PSMD1: variants seen among roughly 807,000 people sequenced by gnomAD.
The protein encoded by PSMD1 is 26S proteasome non-ATPase regulatory subunit 1.
Under a neutral mutation model 119.0 loss-of-function variants are expected in PSMD1, and 18 were observed. The ratio of observed to expected loss-of-function variants is 0.15; its 90% confidence interval spans 0.10 to 0.22. PSMD1 has a LOEUF of 0.22. Ranked by LOEUF, PSMD1 falls within the 10% of genes least tolerant of loss-of-function variation. PSMD1 has a pLI of 1.00. For missense variants in PSMD1, 702 were observed against 1,158.5 expected, an observed-to-expected ratio of 0.61 and a Z score of 5.72; for synonymous variants, 374 against 396.6, an observed-to-expected ratio of 0.94 and a Z score of 0.68.
intron 10 of PSMD1, 94 bp from the exon 11 acceptor site, chr2:231,079,441 AG>A (rs1466900058): frequency 2.8e-6 from 2 of 706,100 alleles, no homozygotes; most frequent in Admixed American, 3.2e-5. Context: ...GAAGGGTTCA[AG>A]GTAAAATTTT....
chr2:231,101,790 C>T (rs1317066419), intron 16 of PSMD1, among the ~76,000 whole-genome samples: 1 of 152,132 alleles, frequency 6.6e-6, no homozygotes, highest in African/African-American at 2.4e-5. Context: ...CTCAGATGGT[C>T]GGTGGCACTT....
chr2:231,098,284 C>A (rs892235794), intron 16 of PSMD1, among the ~76,000 whole-genome samples: 2 of 152,214 alleles, frequency 1.3e-5, no homozygotes, highest in African/African-American at 4.8e-5. Flanking sequence ...TATAGGGTCA[C>A]GGAGAAGACC....
intron 5 of PSMD1, 35 bp downstream of exon 5, chr2:231,067,146 G>A (rs777669524): frequency 4.1e-6 from 6 of 1,470,370 alleles, no homozygotes; most frequent in Non-Finnish European, 4.6e-6. Flanking sequence ...AATTATTGTT[G>A]ATAGGGAATC....
chr2:231,147,670 G>T (rs374362935), intron 18 of PSMD1, among the ~76,000 whole-genome samples: 16 of 152,082 alleles, frequency 1.1e-4, no homozygotes, highest in Non-Finnish European at 2.1e-4. Flanking sequence ...ATACTAAATA[G>T]ACACGTGTAG....
Position 231,083,550 on chromosome 2 carries a change from T to C in PSMD1, c.1526-17T>C. ...AAAACATAACTCTCTGTTAACATTT[T>C]ACTCGTTACTTGCCAGGGGAAGCAG... On this transcript the variant is annotated splice_polypyrimidine_tract_variant and intron_variant, in intron 13 of 24. Transcript: ENST00000308696. The C allele has an allele frequency of 6.2e-7, 1 of 1,613,844 alleles. No individual in the cohort carries two copies. The highest frequency in any genetic ancestry group is 8.5e-7 in the Non-Finnish European group (1 of 1,179,676).
intron 19 of PSMD1, among the ~76,000 whole-genome samples, chr2:231,158,124 A>G (rs1428612483): frequency 6.6e-6 from 1 of 151,956 alleles, no homozygotes; most frequent in East Asian, 2.0e-4. Context: ...CAGCCTGATC[A>G]GCATGGTGAG....
intron 16 of PSMD1, among the ~76,000 whole-genome samples, chr2:231,121,056 G>A (rs773531715): frequency 1.4e-4 from 21 of 151,902 alleles, no homozygotes; most frequent in Non-Finnish European, 8.8e-5. Context: ...GGCAACATGT[G>A]TTTTTTTCCT....
chr2:231,146,423 T>C, intron 18 of PSMD1, 67 bp downstream of exon 18: 3 of 1,226,992 alleles, frequency 2.4e-6, no homozygotes, highest in Non-Finnish European at 3.5e-6. Flanking sequence ...CTTATCGTCT[T>C]TTGAGGACGT....
intron 15 of PSMD1, among the ~76,000 whole-genome samples, chr2:231,085,823 T>A (rs926309717): frequency 1.3e-5 from 2 of 152,188 alleles, no homozygotes; most frequent in Non-Finnish European, 2.9e-5. Flanking sequence ...CCACGTGTCT[T>A]AATAGGTTTT....
At chr2:231,132,174 G>A (rs941339631) in intron 16 of PSMD1, among the ~76,000 whole-genome samples, 3 of 152,140 alleles carry the variant, frequency 2.0e-5, no homozygotes, top group Non-Finnish European at 2.9e-5. Context: ...TCCCCTTTCA[G>A]AAAACTTTTC....
At chr2:231,151,252 A>T (rs1327410802) in intron 18 of PSMD1, among the ~76,000 whole-genome samples, 1 of 152,142 alleles carries the variant, frequency 6.6e-6, no homozygotes, top group African/African-American at 2.4e-5. Context: ...CCTGATTACC[A>T]TTAATTGCTT....
At chr2:231,083,052 AC>A in intron 13 of PSMD1, 58 bp downstream of exon 13, 2 of 1,276,000 alleles carry the variant, frequency 1.6e-6, no homozygotes, top group Non-Finnish European at 2.2e-6. Context: ...AAATGTAATT[AC>A]ATTAGTTTCT....
At chr2:231,061,516 G>A (rs915036847) in intron 2 of PSMD1, among the ~76,000 whole-genome samples, 8 of 151,980 alleles carry the variant, frequency 5.3e-5, no homozygotes, top group African/African-American at 1.5e-4. Context: ...AATAAACCTC[G>A]TTACGACACT....
chr2:231,076,102 T>C (rs942237719), intron 8 of PSMD1, among the ~76,000 whole-genome samples: 1 of 152,236 alleles, frequency 6.6e-6, no homozygotes, highest in Non-Finnish European at 1.5e-5. Flanking sequence ...ATCAAATCCT[T>C]AGATCCTTAC....
chr2:231,060,631 T>C (rs1421491681), intron 1 of PSMD1, among the ~76,000 whole-genome samples: 1 of 152,226 alleles, frequency 6.6e-6, no homozygotes, highest in Non-Finnish European at 1.5e-5. Flanking sequence ...TGGAGAACAC[T>C]GTGCTTGGGT....
At chr2:231,075,351 C>A (rs1397125454) in intron 7 of PSMD1, among the ~76,000 whole-genome samples, 160 bp from the exon 8 acceptor site, 1 of 152,132 alleles carries the variant, frequency 6.6e-6, no homozygotes, top group Non-Finnish European at 1.5e-5. Flanking sequence ...AACTGGATTG[C>A]CTCCATCTTA....
At chr2:231,132,080 AT>A (rs1213054920) in intron 16 of PSMD1, among the ~76,000 whole-genome samples, 6 of 152,070 alleles carry the variant, frequency 3.9e-5, no homozygotes, top group Admixed American at 6.6e-5. Context: ...GGCTCCTGGT[AT>A]TTATGTTCTC....
chr2:231,109,280 G>A (rs1374060252), intron 16 of PSMD1: 2 of 1,614,170 alleles, frequency 1.2e-6, no homozygotes, highest in East Asian at 2.2e-5. Flanking sequence ...TGCAAGAGGT[G>A]TGAAGAAGGC....
intron 18 of PSMD1, 199 bp from the exon 19 acceptor site, chr2:231,153,365 G>T: frequency 1.9e-6 from 1 of 533,488 alleles, no homozygotes. Flanking sequence ...CAGAGCTGGT[G>T]CTCCCACACT....
Sources: gnomAD v4.1 joint callset for allele counts (sites outside exome capture counted in the v4.1 genomes callset) on GRCh38, gnomAD v4.1.1 for gene constraint, MANE v1.5 for transcripts, NCBI Gene and HGNC (gene_info 2026-07-23, HGNC 2026-07-21) for gene names.